PGPEP1L: variants seen among roughly 807,000 people sequenced by gnomAD.
The protein encoded by PGPEP1L is pyroglutamyl-peptidase 1-like protein.
PGPEP1L carries 7 observed loss-of-function variants against 6.0 expected under a neutral mutation model. The ratio of observed to expected loss-of-function variants is 1.17; its 90% CI spans 0.66 to 2.19. The LOEUF (loss-of-function observed/expected upper bound fraction) is 2.19, where lower values mean the gene tolerates loss of function less well. Ranked by LOEUF, PGPEP1L falls within the 30% of genes most tolerant of loss-of-function variation. The probability of loss-of-function intolerance (pLI) is 0.00; values close to 1 mark genes in which losing one functional copy is unlikely to be tolerated. For missense variants in PGPEP1L, 209 were observed against 192.5 expected, an observed-to-expected ratio of 1.09 and a Z score of -0.51; for synonymous variants, 103 against 83.9, an observed-to-expected ratio of 1.23 and a Z score of -1.24.
rs1234226502 is a variant in PGPEP1L, at chr15:98,979,655, T to C, written c.-141-8497A>G. On this transcript the variant is annotated intron_variant, in intron 2 of 4. Transcript: ENST00000535714. ...ATTCTTTTTTTTTTTTTTTTTTTTT[T>C]TTTTTTTTTTTTGGAGACAGAGTCT... is the stretch of plus-strand genomic sequence containing the variant. Among the ~76,000 whole-genome samples the C allele has an allele frequency of 4.0e-4, 34 of 85,206 alleles. 1 individual carries two copies. In the East Asian group the frequency reaches 0.01, roughly 26 times the overall value. The allele number at this position is 85,206 out of a possible 152,430, so 55.9% of individuals were successfully genotyped here. A position where few individuals can be genotyped will look rare whatever the true frequency, so the allele number is the denominator to read the frequency against.
intron 2 of PGPEP1L, among the ~76,000 whole-genome samples, chr15:98,987,677 C>T (rs1329796350): frequency 6.6e-6 from 1 of 152,138 alleles, no homozygotes; most frequent in East Asian, 1.9e-4. Flanking sequence ...TACTTCTACT[C>T]TTTAATAGTT....
chr15:98,970,230 G>C (rs1316012797), intron 3 of PGPEP1L, among the ~76,000 whole-genome samples: 7 of 152,048 alleles, frequency 4.6e-5, no homozygotes, highest in Non-Finnish European at 8.8e-5. Flanking sequence ...TTGTAGTAGA[G>C]ATGGGATTTC....
intron 1 of PGPEP1L, among the ~76,000 whole-genome samples, chr15:99,006,750 A>G (rs1293772554): frequency 6.6e-5 from 10 of 152,356 alleles, no homozygotes; most frequent in Non-Finnish European, 1.2e-4. Context: ...GTCAGTCGTA[A>G]CTGCACCTCT....
intron 2 of PGPEP1L, among the ~76,000 whole-genome samples, chr15:98,997,306 T>C (rs1555472589): frequency 6.6e-6 from 1 of 152,204 alleles, no homozygotes; most frequent in Non-Finnish European, 1.5e-5. Flanking sequence ...TGACTGCATC[T>C]GTACTGACAG....
intron 2 of PGPEP1L, among the ~76,000 whole-genome samples, chr15:98,989,725 C>G (rs2017793966): frequency 1.3e-5 from 2 of 152,138 alleles, no homozygotes; most frequent in South Asian, 4.1e-4. Context: ...TAAGGGCACC[C>G]AGAGAGAAAG....
intron 2 of PGPEP1L, among the ~76,000 whole-genome samples, chr15:98,994,318 C>T (rs897031448): frequency 2.0e-5 from 3 of 152,030 alleles, no homozygotes; most frequent in Non-Finnish European, 4.4e-5. Context: ...TAAAAGCTTT[C>T]ATTGTCTTAC....
chr15:99,001,979 A>C (rs1292507003), intron 2 of PGPEP1L, among the ~76,000 whole-genome samples: 5 of 152,108 alleles, frequency 3.3e-5, no homozygotes, highest in African/African-American at 1.2e-4. Flanking sequence ...GGCTTCTCAA[A>C]GTGCTGGGAT....
chr15:98,995,606 G>T (rs567057749), intron 2 of PGPEP1L, among the ~76,000 whole-genome samples: 1 of 152,202 alleles, frequency 6.6e-6, no homozygotes, highest in Non-Finnish European at 1.5e-5. Flanking sequence ...TGAGGCAGGA[G>T]AATCTCTTGA....
intron 3 of PGPEP1L, among the ~76,000 whole-genome samples, chr15:98,970,066 T>A (rs1287874701): frequency 6.6e-6 from 1 of 152,182 alleles, no homozygotes; most frequent in Non-Finnish European, 1.5e-5. Context: ...TTTATTTTTA[T>A]GAGACAGAGT....
At chr15:99,004,611 G>A (rs1425856622) in intron 2 of PGPEP1L, among the ~76,000 whole-genome samples, 18 of 152,158 alleles carry the variant, frequency 1.2e-4, no homozygotes, top group Admixed American at 3.9e-4. Flanking sequence ...CCAGCTACTC[G>A]GGAGGCTGAG....
chr15:98,992,238 A>G (rs1459784873), intron 2 of PGPEP1L, among the ~76,000 whole-genome samples: 1 of 152,254 alleles, frequency 6.6e-6, no homozygotes, highest in Admixed American at 6.5e-5. Context: ...GGTGATAAGC[A>G]ATTTCAGCAA....
intron 2 of PGPEP1L, among the ~76,000 whole-genome samples, chr15:99,001,580 A>G (rs1355989960): frequency 6.6e-6 from 1 of 152,216 alleles, no homozygotes; most frequent in African/African-American, 2.4e-5. Flanking sequence ...TATCTCAATG[A>G]AGTAGTTTAA....
chr15:99,001,918 A>G (rs568578276), intron 2 of PGPEP1L, among the ~76,000 whole-genome samples: 3 of 152,124 alleles, frequency 2.0e-5, no homozygotes, highest in African/African-American at 7.2e-5. Flanking sequence ...GGGTTTCACT[A>G]TGTTGGCCAG....
chr15:98,974,159 T>C (rs1303746014), intron 2 of PGPEP1L, among the ~76,000 whole-genome samples: 1 of 152,036 alleles, frequency 6.6e-6, no homozygotes, highest in African/African-American at 2.4e-5. Context: ...GGTGGGCAGA[T>C]CACTTGAACC....
chr15:98,996,524 ATGTGTGTGTGTG>A (rs58220323), intron 2 of PGPEP1L, among the ~76,000 whole-genome samples: 1 of 151,564 alleles, frequency 6.6e-6, no homozygotes, highest in Non-Finnish European at 1.5e-5. Flanking sequence ...ATATAGGGGT[ATGTGTGTGTGTG>A]TGTGTGTGTG....
At chr15:99,001,176 G>GT (rs1567244075) in intron 2 of PGPEP1L, 7 of 443,470 alleles carry the variant, frequency 1.6e-5, no homozygotes, top group Non-Finnish European at 3.2e-5. Flanking sequence ...TTTAAGAACT[G>GT]TAACACTCAC....
chr15:98,978,921 G>C (rs1310787984), intron 2 of PGPEP1L, among the ~76,000 whole-genome samples: 10 of 151,514 alleles, frequency 6.6e-5, no homozygotes, highest in Non-Finnish European at 1.3e-4. Flanking sequence ...GTAGAGATGG[G>C]GTTTTACCAT....
intron 2 of PGPEP1L, among the ~76,000 whole-genome samples, chr15:98,983,123 C>G (rs890611598): frequency 6.7e-6 from 1 of 149,626 alleles, no homozygotes; most frequent in African/African-American, 2.5e-5. Context: ...AGGTTTTGTC[C>G]TGGGATTTGG....
intron 2 of PGPEP1L, among the ~76,000 whole-genome samples, chr15:98,971,558 T>C (rs767340163): frequency 6.6e-6 from 1 of 152,060 alleles, no homozygotes; most frequent in Non-Finnish European, 1.5e-5. Flanking sequence ...ACAACAATAC[T>C]GTACCCAGCA....
Sources: allele counts gnomAD v4.1 joint callset (sites outside exome capture counted in the v4.1 genomes callset), GRCh38; gene constraint gnomAD v4.1.1; transcripts MANE v1.5; gene names NCBI Gene and HGNC (gene_info 2026-07-23, HGNC 2026-07-21).